The following NRG3 variants were observed in gnomAD, a reference collection of about 807,000 sequenced individuals.
The protein encoded by NRG3 is pro-neuregulin-3, membrane-bound isoform.
NRG3 carries 31 observed loss-of-function variants against 66.9 expected under a neutral mutation model. That is an observed-to-expected ratio of 0.46 (90% confidence interval 0.35 to 0.63). NRG3 has a LOEUF of 0.63. Ranked by LOEUF, NRG3 falls within the 20% of genes least tolerant of loss-of-function variation. The probability of loss-of-function intolerance (pLI) is 0.00; values close to 1 mark genes in which losing one functional copy is unlikely to be tolerated. For missense variants in NRG3, 910 were observed against 878.9 expected (o/e 1.04, Z -0.45); for synonymous variants, 393 against 359.4 (o/e 1.09, Z -1.06).
chr10:82,835,613 G>C (rs1254313510), intron 3 of NRG3, among the ~76,000 whole-genome samples: 1 of 152,040 alleles, frequency 6.6e-6, no homozygotes, highest in African/African-American at 2.4e-5. Context: ...CAAAGCCAAT[G>C]GTTGGCAGAG....
chr10:82,539,036 G>C (rs536843494), intron 2 of NRG3, among the ~76,000 whole-genome samples: 1 of 152,094 alleles, frequency 6.6e-6, no homozygotes, highest in Admixed American at 6.6e-5. Flanking sequence ...CCGCAAGATT[G>C]GATTTACTCT....
intron 4 of NRG3, among the ~76,000 whole-genome samples, chr10:82,935,421 A>G (rs1336483972): frequency 1.3e-5 from 2 of 152,214 alleles, no homozygotes; most frequent in African/African-American, 4.8e-5. Context: ...CAGTGATTAT[A>G]GTTAGGCAAT....
At chr10:81,920,902 C>T (rs1846191514) in intron 1 of NRG3, among the ~76,000 whole-genome samples, 1 of 151,918 alleles carries the variant, frequency 6.6e-6, no homozygotes, top group African/African-American at 2.4e-5. Flanking sequence ...ATATATGTTT[C>T]TTCTAATGTT....
In NRG3 at chr10:82,442,913, C is replaced by T. The variant is rs572987342; in HGVS notation, c.953+84045C>T. Among the ~76,000 whole-genome samples, 3 of 144,894 alleles carry T rather than the reference C, an allele frequency of 2.1e-5. No individual in the cohort carries two copies. In the Admixed American group the frequency reaches 2.2e-4, roughly 11 times the overall value. ...GCCAGCTGGTTTTTGGTGTTGTAGGCTGAACGTGAAGTTGATATAATTGGG... is the reference window on the plus strand; with the variant it reads ...GCCAGCTGGTTTTTGGTGTTGTAGGTTGAACGTGAAGTTGATATAATTGGG... On this transcript the variant is annotated intron_variant, in intron 2 of 8. Coordinates refer to ENST00000372141, the MANE Select transcript of NRG3 (RefSeq NM_001010848.4).
chr10:82,723,330 G>A lies in NRG3; in HGVS notation c.954-15247G>A, dbSNP rs117969361. 1.3e-3 allele frequency among the ~76,000 whole-genome samples: 200 copies of A among 152,316 alleles called. 5 individuals are homozygous for A. The East Asian group carries it at 0.033, about 25-fold the overall frequency. On this transcript the variant is annotated intron_variant, in intron 2 of 8. Coordinates refer to ENST00000372141, the MANE Select transcript of NRG3 (RefSeq NM_001010848.4). The stretch of plus-strand genomic sequence containing the variant: ...GACTACTGGAGAGGGGAAGGATGGA[G>A]AGGGGCAAGGGTTGAAAAACTAACT...
chr10:82,402,699 A>G (rs75710330), intron 2 of NRG3, among the ~76,000 whole-genome samples: 2,565 of 152,268 alleles, frequency 0.017, 91 homozygotes, highest in African/African-American at 0.059. Flanking sequence ...AAAGAAATCA[A>G]TAAAACTTTT....
intron 2 of NRG3, among the ~76,000 whole-genome samples, chr10:82,508,732 A>C (rs1844898365): frequency 6.6e-6 from 1 of 152,140 alleles, no homozygotes; most frequent in Admixed American, 6.5e-5. Flanking sequence ...CAACTGTTGA[A>C]CCAAGTGGGA....
chr10:82,198,940 T>G (rs141556873), intron 1 of NRG3, among the ~76,000 whole-genome samples: 5,032 of 149,484 alleles, frequency 0.034, 133 homozygotes, highest in African/African-American at 0.072. Context: ...GAGGTTGCAG[T>G]GAGCCAAGAT....
chr10:82,383,570 T>A (rs2085772454), intron 2 of NRG3, among the ~76,000 whole-genome samples: 1 of 152,064 alleles, frequency 6.6e-6, no homozygotes, highest in African/African-American at 2.4e-5. Context: ...GTATAATTGC[T>A]TAGTTGGTTG....
intron 3 of NRG3, among the ~76,000 whole-genome samples, chr10:82,821,604 G>A (rs2061958766): frequency 6.6e-6 from 1 of 151,972 alleles, no homozygotes; most frequent in African/African-American, 2.4e-5. Context: ...CATAATAAGT[G>A]ACATTTATAA....
At chr10:82,441,240 CA>C in intron 2 of NRG3, among the ~76,000 whole-genome samples, 1 of 152,214 alleles carries the variant, frequency 6.6e-6, no homozygotes, top group African/African-American at 2.4e-5. Flanking sequence ...AAAAAACAAA[CA>C]AAAAATGTCA....
intron 2 of NRG3, among the ~76,000 whole-genome samples, chr10:82,661,122 C>G (rs1408495653): frequency 1.3e-5 from 2 of 152,088 alleles, no homozygotes; most frequent in African/African-American, 4.8e-5. Context: ...GCTGAAGGTT[C>G]TTACTTAAAT....
At chr10:82,067,042 C>T (rs2064517027) in intron 1 of NRG3, among the ~76,000 whole-genome samples, 1 of 152,058 alleles carries the variant, frequency 6.6e-6, no homozygotes, top group Non-Finnish European at 1.5e-5. Flanking sequence ...TTATAGAATA[C>T]AACTGCAAAT....
chr10:82,382,432 A>G (rs1216180105), intron 2 of NRG3, among the ~76,000 whole-genome samples: 1 of 151,896 alleles, frequency 6.6e-6, no homozygotes, highest in Non-Finnish European at 1.5e-5. Context: ...TTAAGCACAA[A>G]TTTGTGTTTT....
intron 2 of NRG3, among the ~76,000 whole-genome samples, chr10:82,728,945 G>A (rs750258940): frequency 1.3e-5 from 2 of 152,006 alleles, no homozygotes; most frequent in East Asian, 1.9e-4. Flanking sequence ...CTAAATTATT[G>A]GATGTATTTA....
intron 1 of NRG3, among the ~76,000 whole-genome samples, chr10:82,085,131 T>C (rs2065641248): frequency 6.6e-6 from 1 of 152,180 alleles, no homozygotes; most frequent in Non-Finnish European, 1.5e-5. Flanking sequence ...CTCTGAACGT[T>C]GTTCCTTTGT....
At chr10:82,076,917 G>A (rs2065123723) in intron 1 of NRG3, among the ~76,000 whole-genome samples, 1 of 152,184 alleles carries the variant, frequency 6.6e-6, no homozygotes, top group African/African-American at 2.4e-5. Context: ...CCTCCAGGAT[G>A]ACTGGCCTAT....
chr10:82,727,799 A>G (rs2057685736), intron 2 of NRG3, among the ~76,000 whole-genome samples: 1 of 152,128 alleles, frequency 6.6e-6, no homozygotes, highest in African/African-American at 2.4e-5. Context: ...CAGACACTCA[A>G]TGGCAGCCCA....
intron 2 of NRG3, among the ~76,000 whole-genome samples, chr10:82,633,991 A>C (rs1299503715): frequency 6.6e-6 from 1 of 152,210 alleles, no homozygotes; most frequent in African/African-American, 2.4e-5. Flanking sequence ...GAAAGATATT[A>C]AAACATTGAT....
Sources: allele counts gnomAD v4.1 joint callset (sites outside exome capture counted in the v4.1 genomes callset), GRCh38; gene constraint gnomAD v4.1.1; transcripts MANE v1.5; gene names NCBI Gene and HGNC (gene_info 2026-07-23, HGNC 2026-07-21).